SCAPER: variants seen among roughly 807,000 people sequenced by gnomAD.
The protein encoded by SCAPER is S-phase cyclin A associated protein in the ER.
In SCAPER, 98 loss-of-function variants were observed where a neutral mutation model predicts 182.2. That is an observed-to-expected ratio of 0.54 (90% CI 0.46 to 0.64). The LOEUF is 0.64. Ranked by LOEUF, SCAPER falls within the 30% of genes least tolerant of loss-of-function variation. SCAPER has a pLI of 0.00. For synonymous variants in SCAPER, 605 were observed against 564.6 expected (o/e 1.07, Z -1.01); for missense variants, 1,432 against 1,690.0 (o/e 0.85, Z 2.68).
chr15:76,457,485 C>G (rs1434489009), intron 25 of SCAPER, among the ~76,000 whole-genome samples: 1 of 152,024 alleles, frequency 6.6e-6, no homozygotes, highest in Non-Finnish European at 1.5e-5. Context: ...TTTGGAATAT[C>G]CTTTTGGAAT....
intron 24 of SCAPER, among the ~76,000 whole-genome samples, chr15:76,498,911 ACT>A: frequency 6.6e-6 from 1 of 152,336 alleles, no homozygotes; most frequent in South Asian, 2.1e-4. Flanking sequence ...GCATGGATTT[ACT>A]ATAGGCAGAT....
chr15:76,620,229 C>T, intron 22 of SCAPER, among the ~76,000 whole-genome samples: 1 of 151,790 alleles, frequency 6.6e-6, no homozygotes, highest in East Asian at 1.9e-4. Flanking sequence ...GGCAAGTTAC[C>T]CTCTCTAGAG....
intron 22 of SCAPER, among the ~76,000 whole-genome samples, chr15:76,616,103 T>C (rs1284260175): frequency 6.6e-6 from 1 of 152,158 alleles, no homozygotes; most frequent in African/African-American, 2.4e-5. Flanking sequence ...AGATTTGCCA[T>C]ATGATCTAGC....
chr15:76,675,222 T>A (rs975359446), intron 20 of SCAPER, among the ~76,000 whole-genome samples: 2 of 152,232 alleles, frequency 1.3e-5, no homozygotes, highest in African/African-American at 2.4e-5. Flanking sequence ...CATATAAATC[T>A]TAAAATTCCA....
rs138440261 is a variant in SCAPER, at chr15:76,511,991, T to C, written c.2839-7017A>G. Among the ~76,000 whole-genome samples, 855 of 151,724 alleles carry C rather than the reference T, an allele frequency of 5.6e-3. 7 individuals are homozygous for C. Among genetic ancestry groups the C allele is most frequent in the African/African-American group, 0.02 (826 of 41,370 alleles). ...TCTGCCTCCTGAGTTCAAGTGATTC[T>C]TCTACCTCAGCCTCCCGGGTAGCTG... On this transcript the variant is annotated intron_variant, in intron 23 of 31. Coordinates refer to ENST00000563290, the MANE Select transcript of SCAPER (RefSeq NM_020843.4).
rs1256813785 is a variant in SCAPER, at chr15:76,348,746, G to A, written c.4100-10C>T. On this transcript the variant is annotated splice_polypyrimidine_tract_variant and intron_variant, in intron 31 of 31. Coordinates refer to ENST00000563290, the MANE Select transcript of SCAPER (RefSeq NM_020843.4). ...GAACCAAGGCATTTCCCTGAGAGGG[G>A]GATAAAAGAGAAAAAAGTTAAATAA... 2.8e-6 allele frequency: 4 copies of A among 1,444,150 alleles called. No homozygotes were observed. The highest frequency in any genetic ancestry group is 2.8e-5 in the South Asian group (2 of 71,368). The allele number at this position is 1,444,150 out of a possible 1,614,324, so 89.5% of individuals were successfully genotyped here.
At chr15:76,503,061 CAAAACAAAACAAAACAAAACA>C (rs1048763912) in intron 24 of SCAPER, among the ~76,000 whole-genome samples, 3 of 59,772 alleles carry the variant, frequency 5.0e-5, no homozygotes, top group Non-Finnish European at 1.8e-4. Flanking sequence ...TACCAGAAAA[CAAAACAAAACAAAACAAAACA>C]AAAACAAAAC....
chr15:76,531,333 C>T (rs1312295934), intron 23 of SCAPER, among the ~76,000 whole-genome samples: 1 of 152,126 alleles, frequency 6.6e-6, no homozygotes, highest in Non-Finnish European at 1.5e-5. Flanking sequence ...CCTACAAAAA[C>T]GTATCTGAGA....
intron 24 of SCAPER, among the ~76,000 whole-genome samples, chr15:76,473,717 A>C (rs968238155): frequency 5.3e-5 from 8 of 152,170 alleles, no homozygotes; most frequent in Non-Finnish European, 8.8e-5. Context: ...TCTGCCACAT[A>C]TTCAAGTTAG....
intron 25 of SCAPER, among the ~76,000 whole-genome samples, chr15:76,440,138 G>C (rs1314493614): frequency 2.0e-5 from 3 of 151,900 alleles, no homozygotes; most frequent in Non-Finnish European, 4.4e-5. Context: ...TTTATCTTTG[G>C]GGAAACCAAG....
intron 22 of SCAPER, among the ~76,000 whole-genome samples, chr15:76,580,086 C>CA (rs1419581098): frequency 1.3e-5 from 2 of 152,104 alleles, no homozygotes; most frequent in Non-Finnish European, 2.9e-5. Context: ...GAGACTTCAG[C>CA]ACCCCACTTT....
intron 23 of SCAPER, among the ~76,000 whole-genome samples, chr15:76,553,484 T>C (rs1016121766): frequency 1.3e-5 from 2 of 152,210 alleles, no homozygotes. Context: ...GATGTGCATC[T>C]TGCTGTGCCA....
chr15:76,466,081 AG>A (rs2049592503), intron 25 of SCAPER, among the ~76,000 whole-genome samples: 1 of 152,030 alleles, frequency 6.6e-6, no homozygotes, highest in Non-Finnish European at 1.5e-5. Flanking sequence ...GGGGTCCTTT[AG>A]TCTTCTTGAA....
At chr15:76,804,654 A>T in intron 5 of SCAPER, 21 bp from the exon 6 acceptor site, 1 of 1,508,870 alleles carries the variant, frequency 6.6e-7, no homozygotes, top group Non-Finnish European at 9.0e-7. Flanking sequence ...CAAAACAAAA[A>T]AAAATTAAAT....
intron 20 of SCAPER, among the ~76,000 whole-genome samples, chr15:76,686,972 C>T (rs2058070948): frequency 6.6e-6 from 1 of 151,882 alleles, no homozygotes; most frequent in Non-Finnish European, 1.5e-5. Flanking sequence ...TAATACCAGA[C>T]AAAAATAATA....
rs77004555 is a variant in SCAPER, at chr15:76,450,006, C to T, written c.3079-15696G>A. On this transcript the variant is annotated intron_variant, in intron 25 of 31. Coordinates refer to ENST00000563290, the MANE Select transcript of SCAPER (RefSeq NM_020843.4). ...CAGTCTCCATCACAACTACTCAGTT[C>T]TACTGTTGTAAGAAGAAAGCAGCCT... Among the ~76,000 whole-genome samples the T allele has an allele frequency of 8.2e-3, 1,243 of 152,308 alleles. 12 individuals are homozygous for T. Among genetic ancestry groups the T allele is most frequent in the African/African-American group, 0.028 (1,179 of 41,570 alleles).
At chr15:76,723,999 T>C (rs985213874) in intron 17 of SCAPER, among the ~76,000 whole-genome samples, 10 of 152,230 alleles carry the variant, frequency 6.6e-5, no homozygotes, top group African/African-American at 2.2e-4. Context: ...CATTAGTTGA[T>C]GCAGTTTCTT....
chr15:76,445,737 G>A (rs1237603842), intron 25 of SCAPER, among the ~76,000 whole-genome samples: 6 of 152,150 alleles, frequency 3.9e-5, no homozygotes, highest in Non-Finnish European at 7.4e-5. Context: ...CCATCCTGGT[G>A]ACTGGGGAAG....
intron 4 of SCAPER, among the ~76,000 whole-genome samples, chr15:76,843,990 T>G (rs1485579628): frequency 6.6e-6 from 1 of 152,194 alleles, no homozygotes; most frequent in Admixed American, 6.5e-5. Context: ...TGAAGCAATT[T>G]TATATTACCA....
Sources: gnomAD v4.1 joint callset for allele counts (sites outside exome capture counted in the v4.1 genomes callset) on GRCh38, gnomAD v4.1.1 for gene constraint, MANE v1.5 for transcripts, NCBI Gene and HGNC (gene_info 2026-07-23, HGNC 2026-07-21) for gene names.